RPS6KA2: variants seen among roughly 807,000 people sequenced by gnomAD.
RPS6KA2 encodes ribosomal protein S6 kinase alpha-2.
RPS6KA2 carries 42 observed loss-of-function variants against 91.8 expected under a neutral mutation model. That is an observed-to-expected ratio of 0.46 (90% CI 0.36 to 0.59). The LOEUF (loss-of-function observed/expected upper bound fraction) is 0.59. RPS6KA2 is among the 20% of genes least tolerant of loss of function. The probability of loss-of-function intolerance (pLI) is 0.00; values close to 1 mark genes in which losing one functional copy is unlikely to be tolerated. For missense variants in RPS6KA2, 798 were observed against 978.5 expected (o/e 0.82, Z 2.46); for synonymous variants, 414 against 393.6 (o/e 1.05, Z -0.61).
chr6:166,713,073 C>T (rs934038374), intron 2 of RPS6KA2, among the ~76,000 whole-genome samples: 1 of 152,210 alleles, frequency 6.6e-6, no homozygotes, highest in African/African-American at 2.4e-5. Flanking sequence ...CGTCCTTCCC[C>T]ATGCTTCTTC....
intron 2 of RPS6KA2, among the ~76,000 whole-genome samples, chr6:166,652,480 C>A (rs912688664): frequency 6.6e-6 from 1 of 152,022 alleles, no homozygotes; most frequent in African/African-American, 2.4e-5. Flanking sequence ...TTAGGAAAAA[C>A]CACATGGAGG....
At chr6:166,655,806 C>T (rs566323327) in intron 2 of RPS6KA2, among the ~76,000 whole-genome samples, 1 of 152,336 alleles carries the variant, frequency 6.6e-6, no homozygotes, top group South Asian at 2.1e-4. Context: ...TGGAAAACAA[C>T]AATCTCATCA....
Position 166,533,912 on chromosome 6 carries a change from G to C in RPS6KA2, c.217-2599C>G, listed in dbSNP as rs1025959032. Among the ~76,000 whole-genome samples, 43 of 152,074 alleles carry C rather than the reference G, an allele frequency of 2.8e-4. No homozygotes were observed. Among genetic ancestry groups the C allele is most frequent in the African/African-American group, 1.0e-3 (42 of 41,400 alleles). ...GCCTGGGCAGCATAGCAAAACCCCA[G>C]GTCTAGTAAAAATAAAAATAAAAAT... is the stretch of plus-strand genomic sequence containing the variant. On this transcript the variant is annotated intron_variant, in intron 2 of 20. Coordinates refer to ENST00000265678, the MANE Select transcript of RPS6KA2 (RefSeq NM_021135.6). The surrounding 1 kb of genome is among the most constrained non-coding windows in gnomAD (Gnocchi z 4.0).
intron 10 of RPS6KA2, among the ~76,000 whole-genome samples, chr6:166,474,861 A>G (rs1780906190): frequency 1.3e-5 from 2 of 152,170 alleles, no homozygotes; most frequent in Non-Finnish European, 2.9e-5. Flanking sequence ...AGCCGGGAGC[A>G]GCGCCAAGCA....
Position 166,459,611 on chromosome 6 carries a change from A to C in RPS6KA2, c.973-60T>G. The C allele has an allele frequency of 8.0e-7, 1 of 1,253,846 alleles. No individual in the cohort carries two copies. The highest frequency in any genetic ancestry group is 1.2e-5 in the South Asian group (1 of 80,324). The allele number at this position is 1,253,846 out of a possible 1,614,324, so 77.7% of individuals were successfully genotyped here. A position where few individuals can be genotyped will look rare whatever the true frequency, so the allele number is the denominator to read the frequency against. ...GGATGCACAGACATTGCCACAGAACACTGGGGACAGAGAAACCTGCTGTGG... is the reference window on the plus strand; with the variant it reads ...GGATGCACAGACATTGCCACAGAACCCTGGGGACAGAGAAACCTGCTGTGG... On this transcript the variant is annotated intron_variant, in intron 11 of 20. Coordinates refer to ENST00000265678, the MANE Select transcript of RPS6KA2 (RefSeq NM_021135.6). This position sits in a 1 kb window ranked among gnomAD's most constrained non-coding sequence, Gnocchi z 4.9.
chr6:166,416,988 T>G (rs895728563), intron 19 of RPS6KA2, among the ~76,000 whole-genome samples: 2 of 152,228 alleles, frequency 1.3e-5, no homozygotes, highest in Non-Finnish European at 2.9e-5. Flanking sequence ...AGCCCCTGAC[T>G]CCTTCTCTTT....
chr6:166,425,978 C>T (rs1484233110), intron 16 of RPS6KA2, among the ~76,000 whole-genome samples: 2 of 151,454 alleles, frequency 1.3e-5, no homozygotes, highest in Non-Finnish European at 3.0e-5. Flanking sequence ...GAACTCTCCA[C>T]CCCAAATCAA....
chr6:166,840,422 GAA>G (rs1780439387), intron 2 of RPS6KA2, among the ~76,000 whole-genome samples: 1 of 152,194 alleles, frequency 6.6e-6, no homozygotes, highest in Non-Finnish European at 1.5e-5. Flanking sequence ...GAAAAACAGA[GAA>G]AGTTTGCCTG....
At chr6:166,702,777 G>T in intron 2 of RPS6KA2, 1 of 1,131,092 alleles carries the variant, frequency 8.8e-7, no homozygotes, top group South Asian at 1.2e-5. Context: ...CGTCCTTCAA[G>T]ATACCTTCTA....
chr6:166,744,479 C>T (rs1353170274), intron 2 of RPS6KA2, among the ~76,000 whole-genome samples: 3 of 152,332 alleles, frequency 2.0e-5, no homozygotes, highest in South Asian at 2.1e-4. Flanking sequence ...TTTCAAAACA[C>T]AGGCTCTATG....
intron 16 of RPS6KA2, among the ~76,000 whole-genome samples, chr6:166,424,584 G>A (rs1281653905): frequency 5.9e-5 from 9 of 152,202 alleles, no homozygotes; most frequent in Non-Finnish European, 1.2e-4. Context: ...GAGAGTGGGA[G>A]TCCAACCCCA....
At chr6:166,560,413 C>T (rs1297951459) in intron 1 of RPS6KA2, among the ~76,000 whole-genome samples, 2 of 152,216 alleles carry the variant, frequency 1.3e-5, no homozygotes, top group African/African-American at 4.8e-5. Context: ...GATAAATTAT[C>T]ATTCCAATGA....
chr6:166,467,501 C>T (rs138490529), intron 11 of RPS6KA2, among the ~76,000 whole-genome samples: 4 of 152,274 alleles, frequency 2.6e-5, no homozygotes, highest in African/African-American at 7.2e-5. Flanking sequence ...TTGGAAGAGC[C>T]GCAGGACAGG....
At chr6:166,545,519 T>A (rs974600097) in intron 1 of RPS6KA2, among the ~76,000 whole-genome samples, 1 of 152,170 alleles carries the variant, frequency 6.6e-6, no homozygotes, top group African/African-American at 2.4e-5. Context: ...ACAGAGACTA[T>A]GGGAAGAAAG....
intron 2 of RPS6KA2, among the ~76,000 whole-genome samples, chr6:166,815,032 G>A (rs1313699911): frequency 9.9e-5 from 15 of 152,264 alleles, no homozygotes; most frequent in Middle Eastern, 6.8e-3. Context: ...AAAGGTTGGG[G>A]ACCACTGCTT....
At chr6:166,539,697 C>T (rs1174316184) in intron 1 of RPS6KA2, among the ~76,000 whole-genome samples, 3 of 152,188 alleles carry the variant, frequency 2.0e-5, no homozygotes, top group Non-Finnish European at 4.4e-5. Flanking sequence ...ATTTTCATCC[C>T]AGAGCTTCCT....
chr6:166,837,183 G>T (rs1351644522), intron 2 of RPS6KA2, among the ~76,000 whole-genome samples: 1 of 152,174 alleles, frequency 6.6e-6, no homozygotes, highest in Non-Finnish European at 1.5e-5. Context: ...TGTCTCAGAG[G>T]CAGCCCAAGG....
At chr6:166,600,575 T>G (rs1053289668) in intron 1 of RPS6KA2, among the ~76,000 whole-genome samples, 8 of 152,366 alleles carry the variant, frequency 5.3e-5, no homozygotes, top group Admixed American at 1.3e-4. Context: ...GATCCTTTAG[T>G]GCAGGAAGTC....
At chr6:166,470,958 C>A (rs986884902) in intron 10 of RPS6KA2, among the ~76,000 whole-genome samples, 2 of 152,174 alleles carry the variant, frequency 1.3e-5, no homozygotes, top group African/African-American at 4.8e-5. Flanking sequence ...CGAGAAGAGG[C>A]GGGCTTGGCT....
Sources: allele counts gnomAD v4.1 joint callset (sites outside exome capture counted in the v4.1 genomes callset), GRCh38; gene constraint gnomAD v4.1.1; non-coding constraint Gnocchi (gnomAD v3.1); transcripts MANE v1.5; gene names NCBI Gene and HGNC (gene_info 2026-07-23, HGNC 2026-07-21).